Variants in SH3RF3 observed in about 807,000 individuals in gnomAD.
SH3RF3 encodes SH3 domain containing ring finger 3, also known as E3 ubiquitin-protein ligase SH3RF3.
SH3RF3 carries 29 observed loss-of-function variants against 66.3 expected under a neutral mutation model. The observed-to-expected ratio is 0.44, with a 90% confidence interval of 0.33 to 0.60. SH3RF3 has a LOEUF of 0.60. Ranked by LOEUF, SH3RF3 falls within the 20% of genes least tolerant of loss-of-function variation. The pLI, the probability that SH3RF3 is intolerant of heterozygous loss-of-function variation, is 0.04. For missense variants in SH3RF3, 1,194 were observed against 1,190.9 expected, an observed-to-expected ratio of 1.00 and a Z score of -0.04; for synonymous variants, 583 against 532.0, an observed-to-expected ratio of 1.10 and a Z score of -1.32.
chr2:109,343,816 C>T (rs1258914044), intron 1 of SH3RF3, among the ~76,000 whole-genome samples: 1 of 151,748 alleles, frequency 6.6e-6, no homozygotes, highest in African/African-American at 2.4e-5. Context: ...ACGATCATTG[C>T]TCACTGCAGC....
chr2:109,350,771 A>G (rs1328742697), intron 2 of SH3RF3, among the ~76,000 whole-genome samples: 1 of 152,204 alleles, frequency 6.6e-6, no homozygotes, highest in Non-Finnish European at 1.5e-5. Flanking sequence ...GAACCAAATG[A>G]TTCCAGTGCT....
In SH3RF3 at chr2:109,148,056, G is replaced by A. The variant is rs144387467; in HGVS notation, c.573+17943G>A. 8.4e-4 allele frequency among the ~76,000 whole-genome samples: 128 copies of A among 152,298 alleles called. 1 individual carries two copies. The highest frequency in any genetic ancestry group is 2.9e-3 in the African/African-American group (119 of 41,558). Reference sequence around the variant, plus strand: ...GGGTGGTTTGTTGCATGGTGACTGTGGAATTCGAGTTCAGGGAAGGGACCA... The same window carrying A: ...GGGTGGTTTGTTGCATGGTGACTGTAGAATTCGAGTTCAGGGAAGGGACCA... On this transcript the variant is annotated intron_variant, in intron 1 of 9. Coordinates refer to ENST00000309415, the MANE Select transcript of SH3RF3 (RefSeq NM_001099289.3).
In SH3RF3 at chr2:109,214,448, TA is replaced by T. The variant is rs1217461755; in HGVS notation, c.573+84344del. ...ACATGTACCCTAGAACTTAAAGTAT[TA>T]AAAAAAAAGAGTCATAGAAAAGAGA... is the stretch of plus-strand genomic sequence containing the variant. On this transcript the variant is annotated intron_variant, in intron 1 of 9. Coordinates refer to ENST00000309415, the MANE Select transcript of SH3RF3 (RefSeq NM_001099289.3). Among the ~76,000 whole-genome samples the T allele has an allele frequency of 6.4e-4, 83 of 128,956 alleles. 1 individual carries two copies. Among genetic ancestry groups the T allele is most frequent in the African/African-American group, 2.1e-3 (73 of 34,906 alleles). 84.6% of individuals were successfully genotyped at this position (128,956 alleles called of 152,430 possible).
chr2:109,442,713 A>G (rs1677604723), intron 7 of SH3RF3, among the ~76,000 whole-genome samples: 1 of 152,226 alleles, frequency 6.6e-6, no homozygotes. Context: ...TATGAAACAA[A>G]AAGTTACAGC....
chr2:109,158,891 G>A (rs771566851), intron 1 of SH3RF3, among the ~76,000 whole-genome samples: 4 of 152,188 alleles, frequency 2.6e-5, no homozygotes, highest in Non-Finnish European at 4.4e-5. Flanking sequence ...CAAGGCGGGT[G>A]GATCACCTGA....
At chr2:109,145,334 C>T (rs1677069261) in intron 1 of SH3RF3, among the ~76,000 whole-genome samples, 1 of 152,162 alleles carries the variant, frequency 6.6e-6, no homozygotes, top group Admixed American at 6.5e-5. Context: ...GACTTCATGC[C>T]AGGTTTGCAG....
rs948216636 is a variant in SH3RF3, at chr2:109,490,641, G to A, written c.2185G>A (p.Gly729Arg). ...GAGTGGGCTCCTGAAGCTTCTAGCC[G>A]GAGCATCCACCAAGAAGAAGTCACG... ...KKSGLLKLLA[G>R]ASTKKKSRSP... Residue 729 changes from glycine to arginine, a missense_variant, in exon 9 of 10, where the codon GGA becomes AGA. Coordinates refer to ENST00000309415, the MANE Select transcript of SH3RF3 (RefSeq NM_001099289.3). The A allele has an allele frequency of 1.0e-5, 15 of 1,492,632 alleles. No homozygotes were observed. Among genetic ancestry groups the A allele is most frequent in the South Asian group, 1.2e-5 (1 of 80,160 alleles). 92.5% of individuals were successfully genotyped at this position (1,492,632 alleles called of 1,614,324 possible). A position where few individuals can be genotyped will look rare whatever the true frequency, so the allele number is the denominator to read the frequency against.
Position 109,363,968 on chromosome 2 carries a change from C to G in SH3RF3, c.850-7618C>G, listed in dbSNP as rs114423955. Among the ~76,000 whole-genome samples, 347 of 152,128 alleles carry G rather than the reference C, an allele frequency of 2.3e-3. 1 individual carries two copies. The highest frequency in any genetic ancestry group is 7.5e-3 in the African/African-American group (310 of 41,510). On this transcript the variant is annotated intron_variant, in intron 2 of 9. Coordinates refer to ENST00000309415, the MANE Select transcript of SH3RF3 (RefSeq NM_001099289.3). ...TCTGGCATCTATCCTGCTTGTTGTT[C>G]TCTGAGCTTCCTGGATCTGTGGTTT...
At chr2:109,440,429 A>G (rs1677529775) in intron 7 of SH3RF3, among the ~76,000 whole-genome samples, 1 of 152,250 alleles carries the variant, frequency 6.6e-6, no homozygotes, top group Non-Finnish European at 1.5e-5. Context: ...TAGACCACGT[A>G]AGGAATTTAG....
intron 1 of SH3RF3, among the ~76,000 whole-genome samples, chr2:109,135,327 G>A (rs1676790795): frequency 3.9e-5 from 6 of 152,212 alleles, no homozygotes; most frequent in Admixed American, 3.9e-4. Flanking sequence ...GTGGAAGGAG[G>A]GGAAGGGGTG....
chr2:109,413,714 A>T (rs1433457454), intron 4 of SH3RF3, among the ~76,000 whole-genome samples: 2 of 152,296 alleles, frequency 1.3e-5, no homozygotes, highest in East Asian at 1.9e-4. Flanking sequence ...CACAGCATAG[A>T]CATGTCATGA....
At chr2:109,190,602 C>T (rs943201296) in intron 1 of SH3RF3, among the ~76,000 whole-genome samples, 1 of 152,164 alleles carries the variant, frequency 6.6e-6, no homozygotes, top group Non-Finnish European at 1.5e-5. Flanking sequence ...TACCACACTC[C>T]CATTGCAACT....
chr2:109,284,802 C>T (rs1488032565), intron 1 of SH3RF3, among the ~76,000 whole-genome samples: 7 of 151,808 alleles, frequency 4.6e-5, no homozygotes, highest in Non-Finnish European at 1.0e-4. Context: ...TGTGTGGCCT[C>T]GTGTCAGATG....
chr2:109,210,084 A>T (rs548368635), intron 1 of SH3RF3, among the ~76,000 whole-genome samples: 34 of 152,276 alleles, frequency 2.2e-4, no homozygotes, highest in Non-Finnish European at 3.5e-4. Context: ...GGCTTATTTC[A>T]TTTAGCACAG....
At chr2:109,142,044 G>GA (rs548541108) in intron 1 of SH3RF3, among the ~76,000 whole-genome samples, 5 of 43,012 alleles carry the variant, frequency 1.2e-4, no homozygotes, top group African/African-American at 2.0e-4. Flanking sequence ...TGAGTCTCCT[G>GA]GGGGGGGGGT....
Position 109,415,045 on chromosome 2 carries a change from G to A in SH3RF3, c.1300-4494G>A, listed in dbSNP as rs140718201. 2.0e-3 allele frequency among the ~76,000 whole-genome samples: 300 copies of A among 152,328 alleles called. 1 individual carries two copies. The highest frequency in any genetic ancestry group is 3.4e-3 in the Non-Finnish European group (234 of 68,026). On this transcript the variant is annotated intron_variant, in intron 4 of 9. Coordinates refer to ENST00000309415, the MANE Select transcript of SH3RF3 (RefSeq NM_001099289.3). ...GGCCAGAGTCAGGGAAGGGGATGGCGTGGTGGAAGCAGAGGCTAGAGAGAG... is the reference window on the plus strand; with the variant it reads ...GGCCAGAGTCAGGGAAGGGGATGGCATGGTGGAAGCAGAGGCTAGAGAGAG...
At position 109,292,696 on chromosome 2, in the gene SH3RF3, G is replaced by A. The variant is rs530794169; in HGVS notation, c.574-54978G>A. Among the ~76,000 whole-genome samples the A allele has an allele frequency of 7.4e-4, 113 of 152,218 alleles. 4 individuals carry two copies. The highest frequency in any genetic ancestry group is 3.3e-3 in the Admixed American group (50 of 15,286). Reference sequence around the variant, plus strand: ...ATGGTGCTGAGAGGAGCACAAACCGGCCTGGTCCATGTAACAGCAATTTGA... The same window carrying A: ...ATGGTGCTGAGAGGAGCACAAACCGACCTGGTCCATGTAACAGCAATTTGA... On this transcript the variant is annotated intron_variant, in intron 1 of 9. Coordinates refer to ENST00000309415, the MANE Select transcript of SH3RF3 (RefSeq NM_001099289.3).
At chr2:109,134,223 A>G (rs1415587352) in intron 1 of SH3RF3, among the ~76,000 whole-genome samples, 1 of 152,196 alleles carries the variant, frequency 6.6e-6, no homozygotes, top group African/African-American at 2.4e-5. Flanking sequence ...TCAGAGAGCT[A>G]GGAAGTGATT....
intron 7 of SH3RF3, among the ~76,000 whole-genome samples, chr2:109,439,439 C>T (rs887374684): frequency 6.6e-6 from 1 of 152,176 alleles, no homozygotes; most frequent in Non-Finnish European, 1.5e-5. Context: ...AGAAAAAACA[C>T]TGTTGACAGT....
Sources: allele counts gnomAD v4.1 joint callset (sites outside exome capture counted in the v4.1 genomes callset), GRCh38; gene constraint gnomAD v4.1.1; transcripts MANE v1.5; gene names NCBI Gene and HGNC (gene_info 2026-07-23, HGNC 2026-07-21).